The following SFMBT1 variants were observed in gnomAD, a reference collection of about 807,000 sequenced individuals.
The protein encoded by SFMBT1 is scm-like with four MBT domains protein 1.
Under a neutral mutation model 108.7 loss-of-function variants are expected in SFMBT1, and 32 were observed. That is an observed-to-expected ratio of 0.29 (90% CI 0.22 to 0.40). SFMBT1 has a LOEUF of 0.40. Among genes scored for constraint, SFMBT1 ranks in the 10% least tolerant of loss-of-function variants. SFMBT1 has a pLI of 1.00. For missense variants in SFMBT1, 816 were observed against 1,059.6 expected, an observed-to-expected ratio of 0.77 and a Z score of 3.19; for synonymous variants, 348 against 369.5, an observed-to-expected ratio of 0.94 and a Z score of 0.67.
chr3:52,949,897 T>C (rs1703513973), intron 3 of SFMBT1, among the ~76,000 whole-genome samples: 1 of 152,314 alleles, frequency 6.6e-6, no homozygotes, highest in East Asian at 1.9e-4. Context: ...GTCAGCTCTG[T>C]CTGACATTAA....
rs114681200 is a variant in SFMBT1 at position 53,023,222 on chromosome 3, G to A, written c.-131+22594C>T. Among the ~76,000 whole-genome samples the A allele has an allele frequency of 2.2e-3, 337 of 152,240 alleles. 1 individual carries two copies. Among genetic ancestry groups the A allele is most frequent in the African/African-American group, 7.1e-3 (296 of 41,542 alleles). On this transcript the variant is annotated intron_variant, in intron 1 of 20. Transcript: ENST00000394752. ...TTTATGTGACAGAGATCTAATCTGG[G>A]ACATGGTTGGGCCTAAACACAGATT...
chr3:53,045,716 C>T (rs6808387), intron 1 of SFMBT1, 100 bp downstream of exon 1: 74,466 of 144,526 alleles, frequency 0.52, 19,856 homozygotes, highest in Middle Eastern at 0.63. Context: ...GTTGCGCGGC[C>T]GCTTCGAAGG....
At chr3:52,934,555 C>T (rs529727554) in intron 5 of SFMBT1, among the ~76,000 whole-genome samples, 1 of 152,074 alleles carries the variant, frequency 6.6e-6, no homozygotes, top group Non-Finnish European at 1.5e-5. Flanking sequence ...CTCAGAAGGT[C>T]CTATTTTCCA....
Position 52,990,027 on chromosome 3 carries a change from G to T in SFMBT1, c.-130-20769C>A, listed in dbSNP as rs146928703. ...CCAGCACCATCTACTAAAACTGTTC[G>T]GATATATTCCAAAGGCTAGTTGTCT... On this transcript the variant is annotated intron_variant, in intron 1 of 20. Transcript: ENST00000394752. Among the ~76,000 whole-genome samples the T allele has an allele frequency of 3.9e-5, 6 of 152,198 alleles. 1 individual carries two copies. The East Asian group carries it at 1.2e-3, about 29-fold the overall frequency.
Position 52,946,341 on chromosome 3 carries a change from A to C in SFMBT1, c.124-2748T>G, listed in dbSNP as rs1703363879. The stretch of plus-strand genomic sequence containing the variant: ...GGAAAGTCCCACATTCTGTGTAAAA[A>C]GTCCTCCCCCGCTAGTCACTACCTG... On this transcript the variant is annotated intron_variant, in intron 3 of 20. Transcript: ENST00000394752. Among the ~76,000 whole-genome samples, 3 of 152,256 alleles carry C rather than the reference A, an allele frequency of 2.0e-5. No individual in the cohort carries two copies. The South Asian group carries it at 6.2e-4, about 31-fold the overall frequency.
At chr3:53,005,070 G>A (rs1179295958) in intron 1 of SFMBT1, among the ~76,000 whole-genome samples, 1 of 152,002 alleles carries the variant, frequency 6.6e-6, no homozygotes, top group Non-Finnish European at 1.5e-5. Context: ...TAAATTCTTG[G>A]GAGCTGGTCT....
chr3:52,980,858 C>A (rs1704685826), intron 1 of SFMBT1, among the ~76,000 whole-genome samples: 1 of 152,102 alleles, frequency 6.6e-6, no homozygotes, highest in African/African-American at 2.4e-5. Context: ...CATTATATGA[C>A]AAAGCAAAAG....
At chr3:53,038,963 C>T (rs1258140074) in intron 1 of SFMBT1, among the ~76,000 whole-genome samples, 5 of 152,132 alleles carry the variant, frequency 3.3e-5, no homozygotes, top group African/African-American at 1.2e-4. Flanking sequence ...GCCCACACCA[C>T]GAATGTCAGT....
intron 13 of SFMBT1, 152 bp downstream of exon 13, chr3:52,918,332 T>C (rs1428936360): frequency 9.6e-5 from 52 of 541,160 alleles, no homozygotes; most frequent in Non-Finnish European, 1.1e-4. Flanking sequence ...TTTTAGAAAA[T>C]GCATATACTG....
At chr3:52,908,840 G>A (rs1702144905) in intron 17 of SFMBT1, among the ~76,000 whole-genome samples, 1 of 152,090 alleles carries the variant, frequency 6.6e-6, no homozygotes, top group African/African-American at 2.4e-5. Context: ...CAAAGTGCTG[G>A]GACTACAGGT....
At position 52,995,995 on chromosome 3, in the gene SFMBT1, C is replaced by T. The variant is rs534097235; in HGVS notation, c.-130-26737G>A. Among the ~76,000 whole-genome samples the T allele has an allele frequency of 4.3e-4, 64 of 147,862 alleles. 5 individuals are homozygous for T. Among genetic ancestry groups the T allele is most frequent in the African/African-American group, 1.0e-3 (43 of 40,996 alleles). ...CTGAGGCAGAAGAATCACTTGAACC[C>T]GGGAGGCGGAGGTTGCAGTGAGCCA... On this transcript the variant is annotated intron_variant, in intron 1 of 20. Coordinates refer to ENST00000394752, the MANE Select transcript of SFMBT1 (RefSeq NM_016329.4).
chr3:53,023,406 C>A (rs980551581), intron 1 of SFMBT1, among the ~76,000 whole-genome samples: 24 of 152,194 alleles, frequency 1.6e-4, no homozygotes, highest in African/African-American at 4.6e-4. Context: ...TCTTAGCTTT[C>A]TTATATTTCA....
At chr3:52,954,549 T>A in intron 2 of SFMBT1, 138 bp from the exon 3 acceptor site, 3 of 668,410 alleles carry the variant, frequency 4.5e-6, no homozygotes, top group Non-Finnish European at 7.5e-6. Context: ...AGTGGGGTTT[T>A]GTTTTGTTTT....
Position 52,940,787 on chromosome 3 carries a change from A to G in SFMBT1, c.364+2566T>C, listed in dbSNP as rs558887940. Reference sequence around the variant, plus strand: ...CACTAACTAAAAAGCAAAAAATAATACCTTTACGATGAAAAAACTTGGCAT... The same window carrying G: ...CACTAACTAAAAAGCAAAAAATAATGCCTTTACGATGAAAAAACTTGGCAT... On this transcript the variant is annotated intron_variant, in intron 4 of 20. Coordinates refer to ENST00000394752, the MANE Select transcript of SFMBT1 (RefSeq NM_016329.4). 7.2e-5 allele frequency among the ~76,000 whole-genome samples: 11 copies of G among 152,328 alleles called. 1 individual carries two copies. The South Asian group carries it at 2.3e-3, about 32-fold the overall frequency.
At position 52,958,965 on chromosome 3, in the gene SFMBT1, T is replaced by G. The variant is rs148371255; in HGVS notation, c.29-4554A>C. Among the ~76,000 whole-genome samples, 40 of 152,304 alleles carry G rather than the reference T, an allele frequency of 2.6e-4. 1 individual carries two copies. In the East Asian group the frequency reaches 6.9e-3, roughly 26 times the overall value. ...GCAGCCATAAAAAGGAACGAGATAATGTCCTTTGCAGGGACATGGATGGAG... is the reference window on the plus strand; with the variant it reads ...GCAGCCATAAAAAGGAACGAGATAAGGTCCTTTGCAGGGACATGGATGGAG... On this transcript the variant is annotated intron_variant, in intron 2 of 20. Coordinates refer to ENST00000394752, the MANE Select transcript of SFMBT1 (RefSeq NM_016329.4).
chr3:52,925,000 C>A (rs1702618588), intron 10 of SFMBT1, among the ~76,000 whole-genome samples: 1 of 152,104 alleles, frequency 6.6e-6, no homozygotes, highest in Non-Finnish European at 1.5e-5. Flanking sequence ...GTGGGCAGAT[C>A]ACTTGAGGTC....
Position 53,000,774 on chromosome 3 carries a change from C to G in SFMBT1, c.-130-31516G>C, listed in dbSNP as rs760502346. Among the ~76,000 whole-genome samples, 23 of 149,978 alleles carry G rather than the reference C, an allele frequency of 1.5e-4. 2 individuals are homozygous for G. The highest frequency in any genetic ancestry group is 2.5e-4 in the Non-Finnish European group (17 of 67,018). On this transcript the variant is annotated intron_variant, in intron 1 of 20. Transcript: ENST00000394752. ...CTAATGCATGTCCTTTGACCCAACA[C>G]CCCTTCTAGGAATTTATCTTTAAAA...
chr3:52,913,674 A>G, intron 14 of SFMBT1, 57 bp from the exon 15 acceptor site: 1 of 1,578,886 alleles, frequency 6.3e-7, no homozygotes, highest in Non-Finnish European at 8.6e-7. Context: ...CCACGTTTCC[A>G]AAGCTGAACT....
At chr3:53,010,409 C>G (rs1466164410) in intron 1 of SFMBT1, among the ~76,000 whole-genome samples, 1 of 152,192 alleles carries the variant, frequency 6.6e-6, no homozygotes, top group Non-Finnish European at 1.5e-5. Context: ...GCTGCCAGGC[C>G]AGGGGAAAGT....
Sources: gnomAD v4.1 joint callset for allele counts (sites outside exome capture counted in the v4.1 genomes callset) on GRCh38, gnomAD v4.1.1 for gene constraint, MANE v1.5 for transcripts, NCBI Gene and HGNC (gene_info 2026-07-23, HGNC 2026-07-21) for gene names.